The following DSCAM variants were observed in gnomAD, a reference collection of about 807,000 sequenced individuals.
DSCAM encodes the protein DS cell adhesion molecule.
Under a neutral mutation model 217.7 loss-of-function variants are expected in DSCAM, and 47 were observed. The observed-to-expected ratio is 0.22, with a 90% CI of 0.17 to 0.28. The LOEUF (loss-of-function observed/expected upper bound fraction) is 0.28. Among genes scored for constraint, DSCAM ranks in the 10% least tolerant of loss-of-function variants. The probability of loss-of-function intolerance (pLI) is 1.00; values close to 1 mark genes in which losing one functional copy is unlikely to be tolerated. For missense variants in DSCAM, 2,080 were observed against 2,618.3 expected (o/e 0.79, Z 4.49); for synonymous variants, 1,056 against 1,015.3 (o/e 1.04, Z -0.76).
chr21:40,028,695 G>A (rs572554152), intron 32 of DSCAM, among the ~76,000 whole-genome samples: 22 of 152,268 alleles, frequency 1.4e-4, no homozygotes, highest in Admixed American at 3.3e-4. Flanking sequence ...GCAATGCCTC[G>A]CTCTGCTTCG....
chr21:40,364,303 A>G (rs557684717), intron 4 of DSCAM, among the ~76,000 whole-genome samples: 70 of 152,312 alleles, frequency 4.6e-4, no homozygotes, highest in African/African-American at 1.6e-3. Context: ...GATAGACTGG[A>G]TTAAGAAAAA....
intron 3 of DSCAM, among the ~76,000 whole-genome samples, chr21:40,369,552 C>T (rs915465880): frequency 6.6e-6 from 1 of 152,042 alleles, no homozygotes; most frequent in Non-Finnish European, 1.5e-5. Flanking sequence ...ATGCATTTAT[C>T]TTACAGCAAC....
At chr21:40,022,579 G>T (rs557692379) in intron 32 of DSCAM, among the ~76,000 whole-genome samples, 1 of 152,302 alleles carries the variant, frequency 6.6e-6, no homozygotes, top group Admixed American at 6.5e-5. Context: ...ACTGTAATCA[G>T]AAGGCAAAAC....
At chr21:40,770,388 T>C (rs1240914238) in intron 1 of DSCAM, among the ~76,000 whole-genome samples, 3 of 152,178 alleles carry the variant, frequency 2.0e-5, no homozygotes, top group African/African-American at 4.8e-5. Flanking sequence ...ACACCTCCAA[T>C]GGCTAGGAAA....
intron 9 of DSCAM, among the ~76,000 whole-genome samples, chr21:40,308,160 T>C (rs374041207): frequency 1.4e-4 from 21 of 152,332 alleles, no homozygotes; most frequent in South Asian, 6.2e-4. Context: ...CCTGTGTTTA[T>C]TGAATGCAGT....
intron 20 of DSCAM, among the ~76,000 whole-genome samples, chr21:40,094,732 A>G (rs1257634622): frequency 3.3e-5 from 5 of 152,208 alleles, no homozygotes; most frequent in Admixed American, 1.3e-4. Context: ...GCTGAATACC[A>G]CTCCAGTCTT....
intron 3 of DSCAM, among the ~76,000 whole-genome samples, chr21:40,666,752 C>T (rs977085156): frequency 7.2e-5 from 11 of 152,138 alleles, no homozygotes; most frequent in African/African-American, 1.2e-4. Context: ...TTGCGGTTAG[C>T]GCTAGACAAC....
chr21:40,223,866 C>T (rs961669040), intron 11 of DSCAM, among the ~76,000 whole-genome samples: 1 of 152,158 alleles, frequency 6.6e-6, no homozygotes, highest in African/African-American at 2.4e-5. Flanking sequence ...ATATTTCCCA[C>T]CTGCCCAGAT....
At chr21:40,617,794 G>C (rs2146290475) in intron 3 of DSCAM, among the ~76,000 whole-genome samples, 1 of 152,348 alleles carries the variant, frequency 6.6e-6, no homozygotes, top group Middle Eastern at 3.4e-3. Flanking sequence ...TAGGTCAGGT[G>C]TCCATAGAGT....
chr21:40,222,787 C>G (rs1458786708), intron 11 of DSCAM, among the ~76,000 whole-genome samples: 1 of 152,086 alleles, frequency 6.6e-6, no homozygotes, highest in Non-Finnish European at 1.5e-5. Flanking sequence ...CCCACAGAAA[C>G]AAAAGCCCTT....
intron 1 of DSCAM, among the ~76,000 whole-genome samples, chr21:40,843,795 T>C (rs946834272): frequency 1.3e-5 from 2 of 151,340 alleles, no homozygotes; most frequent in African/African-American, 4.9e-5. Context: ...TTCTTCTTTT[T>C]TTTTTTTTTT....
chr21:40,182,731 G>A (rs1281814247), intron 14 of DSCAM, among the ~76,000 whole-genome samples: 2 of 69,366 alleles, frequency 2.9e-5, no homozygotes, highest in African/African-American at 6.3e-5. Flanking sequence ...CGTGGACGGG[G>A]GGGCTACCAG....
intron 28 of DSCAM, among the ~76,000 whole-genome samples, chr21:40,057,043 T>G (rs1406007270): frequency 1.3e-5 from 2 of 152,202 alleles, no homozygotes; most frequent in African/African-American, 4.8e-5. Context: ...GTTTGCCTGA[T>G]GAGATCCATG....
chr21:40,085,601 CCTTGTA>C lies in DSCAM; in HGVS notation c.4127_4132del (p.Gln1377_Val1378del), dbSNP rs2089521731. 1 of 1,555,808 alleles carries C rather than the reference CCTTGTA, an allele frequency of 6.4e-7. No individual in the cohort carries two copies. The highest frequency in any genetic ancestry group is 1.7e-5 in the Admixed American group (1 of 58,084). The stretch of plus-strand genomic sequence containing the variant: ...TTAAAAAGAGTCCTCAAATGTTGTA[CCTTGTA>C]CTTGTAAGTTTAAAATAATTTCATC... On this transcript the variant is annotated inframe_deletion and splice_region_variant, in exon 23 of 33. Transcript: ENST00000400454.
chr21:40,565,166 G>T (rs1040793095), intron 3 of DSCAM, among the ~76,000 whole-genome samples: 1 of 152,174 alleles, frequency 6.6e-6, no homozygotes, highest in Middle Eastern at 3.2e-3. Flanking sequence ...GACCTGCTCT[G>T]CTACCCACCA....
chr21:40,074,008 C>A (rs1004297532), intron 27 of DSCAM, among the ~76,000 whole-genome samples: 2 of 152,076 alleles, frequency 1.3e-5, no homozygotes, highest in African/African-American at 2.4e-5. Flanking sequence ...GTGAAATGTA[C>A]CAGAATTCCA....
intron 1 of DSCAM, among the ~76,000 whole-genome samples, chr21:40,815,358 A>T (rs1171845916): frequency 6.6e-6 from 1 of 152,132 alleles, no homozygotes; most frequent in Non-Finnish European, 1.5e-5. Context: ...GCTGACACAG[A>T]TAATGCCTTA....
chr21:40,310,737 C>A (rs114825931), intron 9 of DSCAM, among the ~76,000 whole-genome samples: 1 of 152,270 alleles, frequency 6.6e-6, no homozygotes, highest in African/African-American at 2.4e-5. Flanking sequence ...CTTCACAAAC[C>A]CAAGAGTTAA....
At chr21:40,106,418 TCTC>T (rs1386891851) in intron 20 of DSCAM, among the ~76,000 whole-genome samples, 2 of 152,176 alleles carry the variant, frequency 1.3e-5, no homozygotes, top group Admixed American at 6.5e-5. Flanking sequence ...TCAAGGATAT[TCTC>T]CTGAAGTTTT....
Sources: gnomAD v4.1 joint callset for allele counts (sites outside exome capture counted in the v4.1 genomes callset) on GRCh38, gnomAD v4.1.1 for gene constraint, MANE v1.5 for transcripts, NCBI Gene and HGNC (gene_info 2026-07-23, HGNC 2026-07-21) for gene names.